STK33: variants seen among roughly 807,000 people sequenced by gnomAD.
STK33 encodes serine/threonine kinase 33, also known as serine/threonine-protein kinase 33.
STK33 carries 52 observed loss-of-function variants against 58.0 expected under a neutral mutation model. That is an observed-to-expected ratio of 0.90 (90% confidence interval 0.72 to 1.13). The LOEUF (loss-of-function observed/expected upper bound fraction) is 1.13. Ranked by LOEUF, STK33 falls within the 50% of genes most tolerant of loss-of-function variation. The pLI is 0.00. For missense variants in STK33, 630 were observed against 604.2 expected (o/e 1.04, Z -0.45); for synonymous variants, 215 against 200.1 (o/e 1.07, Z -0.63).
intron 14 of STK33, 69 bp from the exon 15 acceptor site, chr11:8,413,761 A>G: frequency 1.5e-6 from 2 of 1,368,244 alleles, no homozygotes; most frequent in Non-Finnish European, 2.0e-6. Context: ...TACATCATTT[A>G]GCGAGACAGT....
intron 1 of STK33, among the ~76,000 whole-genome samples, chr11:8,505,126 A>C (rs1283270004): frequency 6.6e-6 from 1 of 152,216 alleles, no homozygotes; most frequent in Non-Finnish European, 1.5e-5. Context: ...ACACCACTGG[A>C]CAGCCATAAA....
intron 1 of STK33, among the ~76,000 whole-genome samples, chr11:8,548,597 T>C (rs1247331631): frequency 6.6e-6 from 1 of 152,242 alleles, no homozygotes; most frequent in Non-Finnish European, 1.5e-5. Flanking sequence ...TCAGAGTCTT[T>C]TGTGGGTCCA....
At chr11:8,366,389 C>A in the STK33 span, among the ~76,000 whole-genome samples, 11 of 152,222 alleles carry the variant, frequency 7.2e-5, no homozygotes, top group African/African-American at 2.7e-4. Flanking sequence ...AGACTGTGAA[C>A]AGGGCCAGCC....
chr11:8,409,863 A>C (rs1939914022), intron 15 of STK33, among the ~76,000 whole-genome samples: 1 of 152,114 alleles, frequency 6.6e-6, no homozygotes, highest in Non-Finnish European at 1.5e-5. Flanking sequence ...AGTTGGTGAG[A>C]TTATTATTCC....
intron 1 of STK33, among the ~76,000 whole-genome samples, chr11:8,538,480 CTTTA>C (rs1397565957): frequency 6.6e-6 from 1 of 152,122 alleles, no homozygotes; most frequent in Non-Finnish European, 1.5e-5. Context: ...ATTACTGTAG[CTTTA>C]TTTGTGTAAA....
chr11:8,418,142 A>G (rs945113433), intron 14 of STK33, among the ~76,000 whole-genome samples: 1 of 151,716 alleles, frequency 6.6e-6, no homozygotes, highest in African/African-American at 2.4e-5. Flanking sequence ...CAGGTTTCTT[A>G]TATAGGTAAA....
chr11:8,447,218 C>G (rs193117139), intron 11 of STK33, among the ~76,000 whole-genome samples: 1 of 152,346 alleles, frequency 6.6e-6, no homozygotes, highest in East Asian at 1.9e-4. Flanking sequence ...CAAGGAGGAG[C>G]TGGTACCATT....
At chr11:8,529,402 G>T (rs1954330788) in intron 1 of STK33, among the ~76,000 whole-genome samples, 1 of 152,146 alleles carries the variant, frequency 6.6e-6, no homozygotes, top group African/African-American at 2.4e-5. Flanking sequence ...ATATACTGAG[G>T]TCTAGTGGCA....
At chr11:8,382,365 G>A in the STK33 span, among the ~76,000 whole-genome samples, 1 of 152,210 alleles carries the variant, frequency 6.6e-6, no homozygotes, top group Admixed American at 6.5e-5. Context: ...TGAGAGGCAA[G>A]GACATCAGAA....
At chr11:8,386,300 G>C in the STK33 span, among the ~76,000 whole-genome samples, 3 of 152,176 alleles carry the variant, frequency 2.0e-5, no homozygotes, top group South Asian at 6.2e-4. Flanking sequence ...AAAAGTTGGT[G>C]AGCAGAAAGT....
intron 2 of STK33, among the ~76,000 whole-genome samples, chr11:8,477,828 A>G: frequency 6.6e-6 from 1 of 152,186 alleles, no homozygotes; most frequent in East Asian, 1.9e-4. Context: ...CAGTTGCCTT[A>G]GAAGTACTTG....
chr11:8,351,144 C>CA, the STK33 span, among the ~76,000 whole-genome samples: 998 of 152,212 alleles, frequency 6.6e-3, 9 homozygotes, highest in Non-Finnish European at 0.011. Flanking sequence ...TAACCTCCAA[C>CA]AAAACACCTC....
At chr11:8,472,097 T>G (rs975131808) in intron 6 of STK33, among the ~76,000 whole-genome samples, 3 of 152,114 alleles carry the variant, frequency 2.0e-5, no homozygotes, top group Non-Finnish European at 2.9e-5. Flanking sequence ...CTGCTAATTT[T>G]TTAAAAATTT....
At chr11:8,351,454 G>A in the STK33 span, among the ~76,000 whole-genome samples, 2 of 152,210 alleles carry the variant, frequency 1.3e-5, no homozygotes, top group African/African-American at 4.8e-5. Flanking sequence ...GGCCACAGGG[G>A]ACCCCTTAGG....
chr11:8,428,880 A>G (rs1943083494), intron 14 of STK33, among the ~76,000 whole-genome samples: 1 of 152,138 alleles, frequency 6.6e-6, no homozygotes, highest in Non-Finnish European at 1.5e-5. Flanking sequence ...ACTACTGATA[A>G]TAATCATAAT....
chr11:8,586,628 A>T (rs2031686627), intron 1 of STK33, among the ~76,000 whole-genome samples: 1 of 152,094 alleles, frequency 6.6e-6, no homozygotes, highest in Non-Finnish European at 1.5e-5. Flanking sequence ...GTTTCAGACC[A>T]GCCTGGCCAA....
intron 11 of STK33, among the ~76,000 whole-genome samples, chr11:8,448,281 A>G (rs957081662): frequency 4.6e-5 from 7 of 152,180 alleles, no homozygotes; most frequent in Non-Finnish European, 1.0e-4. Flanking sequence ...GGAAAAAACT[A>G]CTTTAAAGTT....
intron 6 of STK33, among the ~76,000 whole-genome samples, chr11:8,468,623 G>A (rs956379847): frequency 2.0e-5 from 3 of 151,066 alleles, no homozygotes; most frequent in Non-Finnish European, 2.9e-5. Context: ...CTTCCAAGAT[G>A]GTCTAAAAGC....
the STK33 span, among the ~76,000 whole-genome samples, chr11:8,373,355 G>T: frequency 6.6e-6 from 1 of 152,148 alleles, no homozygotes; most frequent in East Asian, 1.9e-4. Flanking sequence ...TGGGGGTGTG[G>T]AGCCCTCATG....
Sources: gnomAD v4.1 joint callset for allele counts (sites outside exome capture counted in the v4.1 genomes callset) on GRCh38, gnomAD v4.1.1 for gene constraint, MANE v1.5 for transcripts, NCBI Gene and HGNC (gene_info 2026-07-23, HGNC 2026-07-21) for gene names.